The following CBR4 variants were observed in gnomAD, a reference collection of about 807,000 sequenced individuals.
CBR4 encodes carbonyl reductase 4.
CBR4 carries 22 observed loss-of-function variants against 21.0 expected under a neutral mutation model. The observed-to-expected ratio is 1.05, with a 90% CI of 0.75 to 1.50. CBR4 has a LOEUF of 1.50. Ranked by LOEUF, CBR4 falls within the 40% of genes most tolerant of loss-of-function variation. CBR4 has a pLI of 0.00. For missense variants in CBR4, 302 were observed against 286.3 expected, an observed-to-expected ratio of 1.05 and a Z score of -0.40; for synonymous variants, 100 against 104.4, an observed-to-expected ratio of 0.96 and a Z score of 0.26.
rs561301663 is a variant in CBR4 at position 168,896,958 on chromosome 4, A to G, written n.170-2193T>C. Among the ~76,000 whole-genome samples the G allele has an allele frequency of 3.9e-5, 6 of 152,160 alleles. No individual in the cohort carries two copies. The East Asian group carries it at 7.7e-4, about 20-fold the overall frequency. ...GCGATTCTCCTGCCTCAGCCTCCCA[A>G]GTAGCTGGGATTACAAGTGCATGCC... On this transcript the variant is annotated intron_variant and non_coding_transcript_variant, in intron 2 of 3. Coordinates refer to the CBR4 transcript ENST00000509108.
At chr4:168,985,788 T>G (rs1307360140), downstream of CBR4, among the ~76,000 whole-genome samples, 1 of 152,154 alleles carries the variant, frequency 6.6e-6, no homozygotes, top group Non-Finnish European at 1.5e-5. Context: ...TAATACCACA[T>G]GCAAAAATGT....
rs1310336011 is a variant in CBR4 at position 169,002,103 on chromosome 4, C to A, written c.503G>T (p.Arg168Ile). The change falls in exon 4 of 5, where the codon AGA (arginine) becomes ATA (isoleucine). Residue 168 changes from arginine (R) to isoleucine (I), a missense_variant. By Grantham distance (97) the Arg-to-Ile change is moderately conservative (BLOSUM62 -3). Transcript: ENST00000306193. The part of the protein sequence containing the change: ...FSRALAKEVA[R>I]KKIRVNVVAP... ...AACTACATTCACTCTAATTTTCTTTCTTGCTACCTCTTTAGCAAGAGCACG... is the reference window on the plus strand; with the variant it reads ...AACTACATTCACTCTAATTTTCTTTATTGCTACCTCTTTAGCAAGAGCACG... The A allele has an allele frequency of 1.9e-6, 3 of 1,594,102 alleles. No homozygotes were observed. The African/African-American group carries it at 4.1e-5, about 22-fold the overall frequency.
intron 2 of CBR4, among the ~76,000 whole-genome samples, chr4:168,978,862 G>A (rs1283030376): frequency 6.6e-6 from 1 of 152,112 alleles, no homozygotes; most frequent in Non-Finnish European, 1.5e-5. Flanking sequence ...CACTGGCCTG[G>A]GATCCCAATG....
chr4:168,957,924 C>T lies in CBR4; in HGVS notation n.169+44147G>A, dbSNP rs540309071. 5.3e-5 allele frequency among the ~76,000 whole-genome samples: 8 copies of T among 152,302 alleles called. No homozygotes were observed. In the South Asian group the frequency reaches 1.5e-3, roughly 28 times the overall value. On this transcript the variant is annotated intron_variant and non_coding_transcript_variant, in intron 2 of 3. Coordinates refer to the CBR4 transcript ENST00000509108. The stretch of plus-strand genomic sequence containing the variant: ...GGGTTTTCCCTGCCTACACTCAGCA[C>T]TTCTTGCTGCCACCATGTGAAGAAG...
At chr4:168,904,943 A>G (rs1010438819) in intron 2 of CBR4, among the ~76,000 whole-genome samples, 3 of 151,886 alleles carry the variant, frequency 2.0e-5, no homozygotes, top group African/African-American at 7.2e-5. Context: ...CCTGGCCAAC[A>G]TGGCGAAACC....
intron 2 of CBR4, among the ~76,000 whole-genome samples, chr4:168,972,828 G>A (rs1194138780): frequency 6.6e-6 from 1 of 152,196 alleles, no homozygotes; most frequent in Non-Finnish European, 1.5e-5. Flanking sequence ...TAGAAGTAGT[G>A]AAAGTGGGCA....
At chr4:168,979,052 A>G (rs576267188) in intron 2 of CBR4, among the ~76,000 whole-genome samples, 1 of 152,250 alleles carries the variant, frequency 6.6e-6, no homozygotes, top group South Asian at 2.1e-4. Context: ...CCTCCAGCAC[A>G]GCATAGCATG....
At chr4:168,907,167 A>C (rs1292960045) in intron 2 of CBR4, among the ~76,000 whole-genome samples, 2 of 152,116 alleles carry the variant, frequency 1.3e-5, no homozygotes, top group Non-Finnish European at 2.9e-5. Context: ...ACATGTAAAA[A>C]GCATTCAGTT....
chr4:168,980,628 C>T (rs915829419), intron 2 of CBR4, among the ~76,000 whole-genome samples: 19 of 151,990 alleles, frequency 1.3e-4, no homozygotes, highest in African/African-American at 4.1e-4. Context: ...CCCAGCTACT[C>T]GGGAGGCTGA....
At chr4:168,897,251 T>A (rs1424081111) in intron 2 of CBR4, among the ~76,000 whole-genome samples, 3 of 152,248 alleles carry the variant, frequency 2.0e-5, no homozygotes, top group Non-Finnish European at 4.4e-5. Flanking sequence ...AAGGGATTAA[T>A]TTGATAGTAA....
chr4:168,921,725 G>C, intron 2 of CBR4: 1 of 1,611,394 alleles, frequency 6.2e-7, no homozygotes, highest in Non-Finnish European at 8.5e-7. Context: ...CATTCAGCCT[G>C]GAGCTTGTGG....
chr4:169,002,284 T>A, intron 3 of CBR4, 79 bp from the exon 4 acceptor site: 1 of 1,289,670 alleles, frequency 7.8e-7, no homozygotes, highest in South Asian at 2.4e-5. Context: ...TTAGATAATT[T>A]ATAGTAAACA....
chr4:168,978,550 A>G (rs1732080543), intron 2 of CBR4, among the ~76,000 whole-genome samples: 1 of 152,184 alleles, frequency 6.6e-6, no homozygotes, highest in Non-Finnish European at 1.5e-5. Flanking sequence ...GGTGAATAAG[A>G]GCCCCAGGAA....
At chr4:168,909,947 G>A (rs138120149) in intron 2 of CBR4, among the ~76,000 whole-genome samples, 4 of 152,196 alleles carry the variant, frequency 2.6e-5, no homozygotes, top group African/African-American at 9.6e-5. Context: ...TTATGTATTG[G>A]TTAGTAATAT....
At chr4:168,951,359 T>A (rs1036840767) in intron 2 of CBR4, among the ~76,000 whole-genome samples, 3 of 152,232 alleles carry the variant, frequency 2.0e-5, no homozygotes, top group Non-Finnish European at 4.4e-5. Flanking sequence ...CCTGGCCAGT[T>A]CTGTATCTTT....
chr4:168,993,584 C>A (rs1765029244), intron 4 of CBR4, among the ~76,000 whole-genome samples: 1 of 152,146 alleles, frequency 6.6e-6, no homozygotes, highest in Non-Finnish European at 1.5e-5. Flanking sequence ...GTAATAAAAG[C>A]AGAATGAATA....
chr4:168,924,980 T>G lies in CBR4; in HGVS notation n.170-30215A>C, dbSNP rs1293139326. 6.2e-7 allele frequency: 1 copy of G among 1,614,040 alleles called. No homozygotes were observed. The highest frequency in any genetic ancestry group is 8.5e-7 in the Non-Finnish European group (1 of 1,180,004). ...GACAACCACGGCTACATCTGCCTGCTCATTCAGGGAGCCACAAAAGAAGAT... is the reference window on the plus strand; with the variant it reads ...GACAACCACGGCTACATCTGCCTGCGCATTCAGGGAGCCACAAAAGAAGAT... On this transcript the variant is annotated intron_variant and non_coding_transcript_variant, in intron 2 of 3. Coordinates refer to the CBR4 transcript ENST00000509108.
At chr4:168,910,086 T>C (rs1344732858) in intron 2 of CBR4, among the ~76,000 whole-genome samples, 1 of 152,316 alleles carries the variant, frequency 6.6e-6, no homozygotes, top group South Asian at 2.1e-4. Context: ...ACTATTCCTT[T>C]TTCTTAAATT....
intron 4 of CBR4, among the ~76,000 whole-genome samples, chr4:168,992,455 T>C (rs1300270922): frequency 1.3e-5 from 2 of 152,112 alleles, no homozygotes; most frequent in Non-Finnish European, 2.9e-5. Flanking sequence ...ATGAAATCTA[T>C]GCATATAACC....
Sources: gnomAD v4.1 joint callset for allele counts (sites outside exome capture counted in the v4.1 genomes callset) on GRCh38, gnomAD v4.1.1 for gene constraint, MANE v1.5 for transcripts, NCBI Gene and HGNC (gene_info 2026-07-23, HGNC 2026-07-21) for gene names.